The following MRC1 variants were observed in gnomAD, a reference collection of about 807,000 sequenced individuals.
MRC1 encodes macrophage mannose receptor 1.
A neutral mutation model predicts 102.9 loss-of-function variants in MRC1; 62 were observed. That is an observed-to-expected ratio of 0.60 (90% confidence interval 0.49 to 0.74). The LOEUF (loss-of-function observed/expected upper bound fraction) is 0.74. Among genes scored for constraint, MRC1 ranks in the 30% least tolerant of loss-of-function variants. The pLI is 0.00. For missense variants in MRC1, 1,237 were observed against 862.8 expected, an observed-to-expected ratio of 1.43 and a Z score of -5.43; for synonymous variants, 457 against 298.4, an observed-to-expected ratio of 1.53 and a Z score of -5.48.
chr10:17,908,262 A>G (rs1025932676), intron 28 of MRC1, among the ~76,000 whole-genome samples: 1 of 152,102 alleles, frequency 6.6e-6, no homozygotes, highest in African/African-American at 2.4e-5. Context: ...TACTGATTAG[A>G]TAATAGAGGT....
chr10:17,861,432 C>T lies in MRC1; in HGVS notation c.1564C>T (p.Leu522Phe). 2 of 872,482 alleles carry T rather than the reference C, an allele frequency of 2.3e-6. No homozygotes were observed. The highest frequency in any genetic ancestry group is 2.6e-5 in the South Asian group (2 of 76,530). 54.0% of individuals were successfully genotyped at this position (872,482 alleles called of 1,614,324 possible). ...TTACTGCTATATGATTGGACATACG[C>T]TTTCAACATTTGCAGAAGCAAACCA... ...HFYCYMIGHTLSTFAEANQTC... is the reference protein window; with the variant it reads ...HFYCYMIGHTFSTFAEANQTC... Residue 522 changes from leucine (L) to phenylalanine (F), a missense_variant, in exon 10 of 30, where the codon CTT (leucine) becomes TTT (phenylalanine). Physicochemically the swap from Leu to Phe is conservative, Grantham distance 22. Transcript: ENST00000569591.
chr10:17,894,391 T>TTTA, intron 23 of MRC1, 79 bp downstream of exon 23: 3 of 627,034 alleles, frequency 4.8e-6, no homozygotes, highest in Non-Finnish European at 2.8e-6. Flanking sequence ...TCTTTCTTTC[T>TTTA]TTCTTTTTTT....
At chr10:17,846,266 T>A (rs909646116) in intron 6 of MRC1, among the ~76,000 whole-genome samples, 32 of 152,318 alleles carry the variant, frequency 2.1e-4, no homozygotes, top group African/African-American at 6.5e-4. Flanking sequence ...AATTGTGTTG[T>A]CCCTTACAAT....
At chr10:17,868,778 T>C (rs1172897574) in intron 12 of MRC1, among the ~76,000 whole-genome samples, 1 of 152,128 alleles carries the variant, frequency 6.6e-6, no homozygotes, top group Non-Finnish European at 1.5e-5. Context: ...CTCCCACTAA[T>C]AGAAATAGGA....
Position 17,870,890 on chromosome 10 carries a change from A to G in MRC1, c.2154A>G (p.Thr718=), listed in dbSNP as rs1408113725. The G allele has an allele frequency of 3.4e-6, 3 of 872,356 alleles. No homozygotes were observed. The highest frequency in any genetic ancestry group is 6.0e-6 in the Non-Finnish European group (3 of 501,276). 54.0% of individuals were successfully genotyped at this position (872,356 alleles called of 1,614,324 possible). ...ACAAACTGTTTTGGTTGGGATTGAC[A>G]TATGGAAGCCCTTCAGAAGGTTTTA... The part of the protein sequence containing the change: ...SYHKLFWLGL[T]YGSPSEGFTW... Residue 718 remains threonine (T), a synonymous_variant, in exon 14 of 30, where the codon ACA becomes ACG. Coordinates refer to ENST00000569591, the MANE Select transcript of MRC1 (RefSeq NM_002438.4).
chr10:17,836,439 G>C (rs1554839474), intron 4 of MRC1, among the ~76,000 whole-genome samples: 1 of 152,160 alleles, frequency 6.6e-6, no homozygotes, highest in Non-Finnish European at 1.5e-5. Flanking sequence ...AGAAAGTACA[G>C]AATAGACAAA....
chr10:17,838,914 C>T (rs987781910), intron 4 of MRC1, among the ~76,000 whole-genome samples: 1 of 152,210 alleles, frequency 6.6e-6, no homozygotes, highest in Non-Finnish European at 1.5e-5. Flanking sequence ...ATATTTTGGT[C>T]TGCTCTTTTA....
intron 6 of MRC1, among the ~76,000 whole-genome samples, chr10:17,847,760 C>T (rs902875868): frequency 6.6e-6 from 1 of 152,162 alleles, no homozygotes. Context: ...TCATTTCACT[C>T]AAGTTGGTTG....
At chr10:17,903,765 G>A (rs1405119648) in intron 26 of MRC1, among the ~76,000 whole-genome samples, 1 of 151,742 alleles carries the variant, frequency 6.6e-6, no homozygotes, top group African/African-American at 2.4e-5. Flanking sequence ...TTGCCCTAGG[G>A]ATTACAACTA....
chr10:17,879,695 C>T, intron 18 of MRC1, 26 bp from the exon 19 acceptor site: 1 of 780,794 alleles, frequency 1.3e-6, no homozygotes. Flanking sequence ...TGGATCGTTT[C>T]AAAATGCCTG....
intron 2 of MRC1, 27 bp downstream of exon 2, chr10:17,823,502 G>A (rs1034873285): frequency 1.0e-5 from 8 of 779,992 alleles, no homozygotes; most frequent in South Asian, 4.0e-5. Context: ...TTTCACCTTC[G>A]TGTTGAAATT....
At chr10:17,883,817 G>A (rs954573774) in intron 21 of MRC1, among the ~76,000 whole-genome samples, 1 of 152,318 alleles carries the variant, frequency 6.6e-6, no homozygotes, top group East Asian at 1.9e-4. Flanking sequence ...TGCCATGGGA[G>A]GCCTGGAGGT....
At chr10:17,896,283 A>G (rs1205687562) in intron 23 of MRC1, among the ~76,000 whole-genome samples, 3 of 152,164 alleles carry the variant, frequency 2.0e-5, no homozygotes, top group Non-Finnish European at 4.4e-5. Flanking sequence ...ACCATCTAAG[A>G]TACTTTCAGA....
chr10:17,877,827 A>G (rs1261953900), intron 17 of MRC1, 73 bp from the exon 18 acceptor site: 13 of 866,202 alleles, frequency 1.5e-5, no homozygotes, highest in Non-Finnish European at 2.6e-5. Flanking sequence ...CCTCATTAAC[A>G]TGTATGTTTT....
chr10:17,898,056 A>C lies in MRC1; in HGVS notation c.3273A>C (p.Pro1091=). ...TRSDPSLTNP[P]ATIQTDGFVK... is the part of the protein sequence containing the mutation. ...TAGACCCTTCCTTGACTAATCCTCC[A>C]GCAACGATTCAAACAGATGGCTTTG... The change falls in exon 24 of 30, where the codon CCA becomes CCC. Residue 1091 remains proline, a synonymous_variant. Transcript: ENST00000569591. 1.3e-6 allele frequency: 1 copy of C among 780,872 alleles called. No individual in the cohort carries two copies. The highest frequency in any genetic ancestry group is 1.3e-5 in the South Asian group (1 of 74,618). 48.4% of individuals were successfully genotyped at this position (780,872 alleles called of 1,614,324 possible). A position where few individuals can be genotyped will look rare whatever the true frequency, so the allele number is the denominator to read the frequency against.
At chr10:17,824,733 C>A (rs934683396) in intron 2 of MRC1, among the ~76,000 whole-genome samples, 14 of 152,094 alleles carry the variant, frequency 9.2e-5, no homozygotes, top group African/African-American at 3.4e-4. Flanking sequence ...ACAGGTGGGA[C>A]AATTGTGCTA....
intron 14 of MRC1, among the ~76,000 whole-genome samples, chr10:17,871,578 C>T (rs1179202595): frequency 1.3e-5 from 2 of 152,166 alleles, no homozygotes; most frequent in Non-Finnish European, 2.9e-5. Flanking sequence ...TTATCCTACA[C>T]ATTTAATAAA....
At chr10:17,838,023 C>T (rs920196884) in intron 4 of MRC1, among the ~76,000 whole-genome samples, 14 of 151,908 alleles carry the variant, frequency 9.2e-5, no homozygotes, top group African/African-American at 1.2e-4. Context: ...CCACAGCAAC[C>T]TCATGAATAA....
At chr10:17,820,325 G>T (rs983774915) in intron 1 of MRC1, among the ~76,000 whole-genome samples, 3 of 152,066 alleles carry the variant, frequency 2.0e-5, no homozygotes, top group African/African-American at 7.2e-5. Flanking sequence ...TAGGTTTTTA[G>T]CTTATAGATC....
Sources: gnomAD v4.1 joint callset for allele counts (sites outside exome capture counted in the v4.1 genomes callset) on GRCh38, gnomAD v4.1.1 for gene constraint, MANE v1.5 for transcripts, NCBI Gene and HGNC (gene_info 2026-07-23, HGNC 2026-07-21) for gene names.